The following CCDC86 variants were observed in gnomAD, a reference collection of about 807,000 sequenced individuals.
CCDC86 encodes coiled-coil domain containing 86.
CCDC86 carries 28 observed loss-of-function variants against 36.7 expected under a neutral mutation model. That is an observed-to-expected ratio of 0.76 (90% CI 0.57 to 1.05). The LOEUF is 1.05. CCDC86 is among the 50% of genes least tolerant of loss of function. The pLI, the probability that CCDC86 is intolerant of heterozygous loss-of-function variation, is 0.00. For synonymous variants in CCDC86, 199 were observed against 203.4 expected (o/e 0.98, Z 0.18); for missense variants, 453 against 470.2 (o/e 0.96, Z 0.34).
At chr11:60,844,216 G>T (rs1373709087) in intron 1 of CCDC86, among the ~76,000 whole-genome samples, 1 of 152,142 alleles carries the variant, frequency 6.6e-6, no homozygotes, top group African/African-American at 2.4e-5. Context: ...GGAGAAGGGA[G>T]GGGCCCACAC....
rs1001978781 is a variant in CCDC86 at position 60,843,115 on chromosome 11, C to T, written c.758+233C>T. ...CTCTGATGCCTTTCCTCCTCAGGGT[C>T]CCTATGGGCCTCTCCTGTAGCACCT... On this transcript the variant is annotated intron_variant, in intron 1 of 3. Transcript: ENST00000227520. 3 of 520,728 alleles carry T rather than the reference C, an allele frequency of 5.8e-6. No individual in the cohort carries two copies. The African/African-American group carries it at 5.9e-5, about 10-fold the overall frequency. 32.3% of individuals were successfully genotyped at this position (520,728 alleles called of 1,614,324 possible).
Position 60,842,135 on chromosome 11 carries a change from C to T in CCDC86, c.11C>T (p.Pro4Leu), listed in dbSNP as rs777980383. The T allele has an allele frequency of 6.3e-7, 1 of 1,586,678 alleles. No homozygotes were observed. The highest frequency in any genetic ancestry group is 1.1e-5 in the South Asian group (1 of 87,806). Residue 4 changes from proline (P) to leucine (L), a missense_variant, in exon 1 of 4, where the codon CCG becomes CTG. Coordinates refer to ENST00000227520, the MANE Select transcript of CCDC86 (RefSeq NM_024098.4). MDTPLRRSRRLGGL... is the reference protein window; with the variant it reads MDTLLRRSRRLGGL... ...CTTACCGGCTGAGCCATGGATACAC[C>T]GTTAAGGCGCAGCCGACGGCTGGGA...
chr11:60,844,222 C>CA (rs1565095626), intron 1 of CCDC86, among the ~76,000 whole-genome samples: 1 of 152,118 alleles, frequency 6.6e-6, no homozygotes, highest in African/African-American at 2.4e-5. Flanking sequence ...GGGAGGGGCC[C>CA]ACACAAGACA....
At chr11:60,845,305 G>A (rs558964724) in intron 1 of CCDC86, among the ~76,000 whole-genome samples, 1 of 152,338 alleles carries the variant, frequency 6.6e-6, no homozygotes, top group East Asian at 1.9e-4. Flanking sequence ...GAGTGAGCTT[G>A]GGAGCCATGG....
At chr11:60,843,046 T>C (rs1010926014) in intron 1 of CCDC86, 164 bp downstream of exon 1, 15 of 1,014,330 alleles carry the variant, frequency 1.5e-5, no homozygotes, top group African/African-American at 1.3e-4. Flanking sequence ...TAAAATGCCC[T>C]GGGATCCCGG....
chr11:60,850,104 C>T (rs1405379219), intron 3 of CCDC86, 90 bp downstream of exon 3: 16 of 1,605,804 alleles, frequency 1.0e-5, no homozygotes, highest in African/African-American at 2.7e-5. Flanking sequence ...CCCCCACTCT[C>T]ATGCTACGAT....
In CCDC86 at chr11:60,850,033, C is replaced by G. The variant is rs931512616; in HGVS notation, c.963+19C>G. The G allele has an allele frequency of 1.4e-5, 22 of 1,613,338 alleles. No individual in the cohort carries two copies. Among genetic ancestry groups the G allele is most frequent in the Non-Finnish European group, 1.9e-5 (22 of 1,179,578 alleles). On this transcript the variant is annotated intron_variant, in intron 3 of 3. Transcript: ENST00000227520. The stretch of plus-strand genomic sequence containing the variant: ...CCAAGTGGTGAGTGTCTCGTTTTCC[C>G]CCTCTGCCCTTCTGCCCCACTTGGG...
chr11:60,850,161 C>G, intron 3 of CCDC86, 45 bp from the exon 4 acceptor site: 1 of 1,611,642 alleles, frequency 6.2e-7, no homozygotes, highest in South Asian at 1.1e-5. Context: ...GAATTTGGAC[C>G]GAGGCTGCAG....
chr11:60,842,612 C>T lies in CCDC86; in HGVS notation c.488C>T (p.Pro163Leu). 6.2e-7 allele frequency: 1 copy of T among 1,613,686 alleles called. No homozygotes were observed. Among genetic ancestry groups the T allele is most frequent in the Non-Finnish European group, 8.5e-7 (1 of 1,179,918 alleles). ...QLPPVPGSPE[P>L]YPGQQAPGPE... ...CCGCCGGTCCCAGGATCACCAGAGCCTTACCCCGGTCAGCAAGCTCCCGGT... is the reference window on the plus strand; with the variant it reads ...CCGCCGGTCCCAGGATCACCAGAGCTTTACCCCGGTCAGCAAGCTCCCGGT... The change falls in exon 1 of 4, where the codon CCT (proline) becomes CTT (leucine). Residue 163 changes from proline to leucine, a missense_variant. Pro to Leu is a moderately conservative substitution (Grantham distance 98, BLOSUM62 -3). Coordinates refer to ENST00000227520, the MANE Select transcript of CCDC86 (RefSeq NM_024098.4).
Position 60,850,672 on chromosome 11 carries a change from C to A in CCDC86, c.*347C>A. On this transcript the variant is annotated 3_prime_UTR_variant, in exon 4 of 4. Transcript: ENST00000227520. ...CAGGTGACTCCCTCAGCAGTGTATG[C>A]CCTTTCTCAGCATCCTAGGTCCATC... is the stretch of plus-strand genomic sequence containing the variant. 4.1e-6 allele frequency: 1 copy of A among 246,450 alleles called. No individual in the cohort carries two copies. The highest frequency in any genetic ancestry group is 7.9e-6 in the Non-Finnish European group (1 of 126,444). 15.3% of individuals were successfully genotyped at this position (246,450 alleles called of 1,614,324 possible). A position where few individuals can be genotyped will look rare whatever the true frequency, so the allele number is the denominator to read the frequency against.
chr11:60,850,427 A>AT lies in CCDC86; in HGVS notation c.*103dup. ...CTGCTGGAGCTGGCACTCCAAACCC[A>AT]TGGCTCCAGAACAGGGACCCCCACC... On this transcript the variant is annotated 3_prime_UTR_variant, in exon 4 of 4. Coordinates refer to ENST00000227520, the MANE Select transcript of CCDC86 (RefSeq NM_024098.4). 1 of 1,432,788 alleles carries AT rather than the reference A, an allele frequency of 7.0e-7. No individual in the cohort carries two copies. The highest frequency in any genetic ancestry group is 1.3e-5 in the South Asian group (1 of 74,522). The allele number at this position is 1,432,788 out of a possible 1,614,324, so 88.8% of individuals were successfully genotyped here. A position where few individuals can be genotyped will look rare whatever the true frequency, so the allele number is the denominator to read the frequency against.
intron 1 of CCDC86, 109 bp downstream of exon 1, chr11:60,842,991 G>A (rs1565095408): frequency 1.5e-6 from 2 of 1,370,248 alleles, no homozygotes; most frequent in Non-Finnish European, 1.9e-6. Context: ...GAGAGCTCAC[G>A]TTAGTGGGGA....
intron 3 of CCDC86, 70 bp downstream of exon 3, chr11:60,850,084 G>C: frequency 6.2e-7 from 1 of 1,605,172 alleles, no homozygotes; most frequent in East Asian, 2.2e-5. Flanking sequence ...CTCGACCCCT[G>C]CCTCATGTAC....
In CCDC86 at chr11:60,850,242, A is replaced by C. The variant is rs145679533; in HGVS notation, c.1000A>C (p.Lys334Gln). 1,669 of 1,614,214 alleles carry C rather than the reference A, an allele frequency of 1.0e-3. 6 individuals are homozygous for C. Among genetic ancestry groups the C allele is most frequent in the East Asian group, 6.3e-3 (283 of 44,880 alleles). The change falls in exon 4 of 4, where the codon AAG becomes CAG. Residue 334 changes from lysine (K) to glutamine (Q), a missense_variant. Lys to Gln is a moderately conservative substitution (Grantham distance 53). Coordinates refer to ENST00000227520, the MANE Select transcript of CCDC86 (RefSeq NM_024098.4). Reference sequence around the variant, plus strand: ...CGCCAAGCTCAAGCGGGCAAAGAAGAAGCAGCTGCGCTCCATTGAGAAGCG... The same window carrying C: ...CGCCAAGCTCAAGCGGGCAAAGAAGCAGCAGCTGCGCTCCATTGAGAAGCG... ...NPAKLKRAKK[K>Q]QLRSIEKRDT... is the part of the protein sequence containing the mutation.
chr11:60,845,661 C>T (rs1008644686), intron 1 of CCDC86, among the ~76,000 whole-genome samples: 1 of 152,270 alleles, frequency 6.6e-6, no homozygotes, highest in African/African-American at 2.4e-5. Flanking sequence ...TCATGCCAAA[C>T]GCCACTTTCT....
At chr11:60,847,784 A>T (rs1855205004) in intron 1 of CCDC86, 140 bp from the exon 2 acceptor site, 1 of 1,194,734 alleles carries the variant, frequency 8.4e-7, no homozygotes, top group African/African-American at 1.6e-5. Context: ...CAGCCCTGGA[A>T]GGCCGCCTGT....
Position 60,849,894 on chromosome 11 carries a change from C to A in CCDC86, c.889-46C>A, listed in dbSNP as rs376371765. Reference sequence around the variant, plus strand: ...TCTTCTGGGGCCTGAGAGACCAGGGCTGCCTCTGCTCCCCGACTCAAATCC... The same window carrying A: ...TCTTCTGGGGCCTGAGAGACCAGGGATGCCTCTGCTCCCCGACTCAAATCC... On this transcript the variant is annotated intron_variant, in intron 2 of 3. Coordinates refer to ENST00000227520, the MANE Select transcript of CCDC86 (RefSeq NM_024098.4). The A allele has an allele frequency of 2.8e-5, 42 of 1,525,696 alleles. No individual in the cohort carries two copies. The African/African-American group carries it at 4.9e-4, about 18-fold the overall frequency. The allele number at this position is 1,525,696 out of a possible 1,614,324, so 94.5% of individuals were successfully genotyped here.
In CCDC86 at chr11:60,850,056, G is replaced by T. The variant is rs777497018; in HGVS notation, c.963+42G>T. 24 of 1,610,094 alleles carry T rather than the reference G, an allele frequency of 1.5e-5. No homozygotes were observed. In the South Asian group the frequency reaches 2.5e-4, roughly 17 times the overall value. On this transcript the variant is annotated intron_variant, in intron 3 of 3. Coordinates refer to ENST00000227520, the MANE Select transcript of CCDC86 (RefSeq NM_024098.4). ...CCCCCTCTGCCCTTCTGCCCCACTTGGGGGTGCAAACCAGGGCCTCGACCC... is the reference window on the plus strand; with the variant it reads ...CCCCCTCTGCCCTTCTGCCCCACTTTGGGGTGCAAACCAGGGCCTCGACCC...
intron 2 of CCDC86, among the ~76,000 whole-genome samples, chr11:60,849,169 T>C (rs1051312194): frequency 3.3e-5 from 5 of 152,192 alleles, no homozygotes; most frequent in African/African-American, 9.7e-5. Flanking sequence ...CTGGCCTTGC[T>C]GAGGGACACA....
Sources: gnomAD v4.1 joint callset for allele counts (sites outside exome capture counted in the v4.1 genomes callset) on GRCh38, gnomAD v4.1.1 for gene constraint, MANE v1.5 for transcripts, NCBI Gene and HGNC (gene_info 2026-07-23, HGNC 2026-07-21) for gene names.